Variants in EEFSEC observed in about 807,000 individuals in gnomAD.
The protein encoded by EEFSEC is eukaryotic elongation factor, selenocysteine-tRNA specific, also known as selenocysteine-specific elongation factor.
EEFSEC carries 43 observed loss-of-function variants against 42.1 expected under a neutral mutation model. The observed-to-expected ratio is 1.02, with a 90% CI of 0.80 to 1.32. EEFSEC has a LOEUF of 1.32. Among genes scored for constraint, EEFSEC ranks in the 40% most tolerant of loss-of-function variants. The pLI is 0.00. For missense variants in EEFSEC, 745 were observed against 803.6 expected (o/e 0.93, Z 0.88); for synonymous variants, 354 against 339.1 (o/e 1.04, Z -0.48).
intron 1 of EEFSEC, among the ~76,000 whole-genome samples, chr3:128,171,312 A>C (rs1412232672): frequency 6.6e-6 from 1 of 152,186 alleles, no homozygotes; most frequent in East Asian, 1.9e-4. Context: ...TTTTTTCCTT[A>C]AAAAGAAAAA....
intron 6 of EEFSEC, among the ~76,000 whole-genome samples, chr3:128,371,511 C>A (rs974521086): frequency 6.6e-6 from 1 of 152,196 alleles, no homozygotes; most frequent in Non-Finnish European, 1.5e-5. Flanking sequence ...CAGTTGAGAA[C>A]CACTGGTCTA....
intron 5 of EEFSEC, among the ~76,000 whole-genome samples, chr3:128,355,406 A>G (rs1485492675): frequency 6.6e-6 from 1 of 152,054 alleles, no homozygotes; most frequent in Non-Finnish European, 1.5e-5. Flanking sequence ...AGCTGGGACT[A>G]GCATTACAGG....
intron 1 of EEFSEC, among the ~76,000 whole-genome samples, chr3:128,170,835 C>T (rs1210464200): frequency 1.3e-5 from 2 of 152,096 alleles, no homozygotes; most frequent in East Asian, 3.8e-4. Context: ...TTATGGCAAC[C>T]AATAAAGTTT....
chr3:128,359,482 A>G (rs2067499001), intron 6 of EEFSEC, among the ~76,000 whole-genome samples: 1 of 152,014 alleles, frequency 6.6e-6, no homozygotes, highest in South Asian at 2.1e-4. Context: ...CCAGGCTCAA[A>G]CCATCCTCCT....
downstream of EEFSEC, among the ~76,000 whole-genome samples, chr3:128,410,818 TC>T (rs2107644482): frequency 6.6e-6 from 1 of 152,146 alleles, no homozygotes; most frequent in Non-Finnish European, 1.5e-5. Context: ...TTCCAGGAAC[TC>T]TGTGCAGGCG....
At chr3:128,218,179 G>C (rs2065828334) in intron 1 of EEFSEC, among the ~76,000 whole-genome samples, 1 of 152,182 alleles carries the variant, frequency 6.6e-6, no homozygotes, top group African/African-American at 2.4e-5. Context: ...TTAAGTAAGT[G>C]AAGTGAATAA....
intron 1 of EEFSEC, among the ~76,000 whole-genome samples, chr3:128,202,526 T>G (rs2065653966): frequency 6.6e-6 from 1 of 152,220 alleles, no homozygotes; most frequent in Admixed American, 6.5e-5. Context: ...TTCTTATTAG[T>G]CCTAGTGGTT....
chr3:128,291,076 ATACT>A (rs2066639589), intron 4 of EEFSEC, among the ~76,000 whole-genome samples: 1 of 151,746 alleles, frequency 6.6e-6, no homozygotes, highest in Non-Finnish European at 1.5e-5. Flanking sequence ...GTGCAGTTTT[ATACT>A]TCTTTTATAA....
chr3:128,223,092 T>C lies in EEFSEC; in HGVS notation c.317-23744T>C, dbSNP rs528410575. Among the ~76,000 whole-genome samples the C allele has an allele frequency of 1.2e-4, 18 of 152,308 alleles. No individual in the cohort carries two copies. In the South Asian group the frequency reaches 3.5e-3, roughly 30 times the overall value. ...TTTAGTCTCATGGCTAGTAATTCAA[T>C]CAGTCATACCTATGTAATGAAACCC... On this transcript the variant is annotated intron_variant, in intron 1 of 6. Transcript: ENST00000254730.
Position 128,243,020 on chromosome 3 carries a change from T to G in EEFSEC, c.317-3816T>G, listed in dbSNP as rs561617812. On this transcript the variant is annotated intron_variant, in intron 1 of 6. Transcript: ENST00000254730. ...AAGACGGGCCAGTTGTGTCACTTCC[T>G]GTCGTCTGATCAAAAGTTTGATGAA... Among the ~76,000 whole-genome samples the G allele has an allele frequency of 3.9e-5, 6 of 152,364 alleles. No individual in the cohort carries two copies. In the South Asian group the frequency reaches 1.2e-3, roughly 32 times the overall value.
chr3:128,363,201 G>T (rs532171500), intron 6 of EEFSEC, among the ~76,000 whole-genome samples: 1 of 152,190 alleles, frequency 6.6e-6, no homozygotes, highest in Non-Finnish European at 1.5e-5. Flanking sequence ...CAAGCACCTC[G>T]TTTCACTGCA....
At chr3:128,269,102 C>T (rs775284132) in intron 4 of EEFSEC, among the ~76,000 whole-genome samples, 11 of 152,222 alleles carry the variant, frequency 7.2e-5, no homozygotes, top group African/African-American at 1.9e-4. Context: ...CAGCACTGCC[C>T]GTTCCTTTCT....
chr3:128,207,400 A>T (rs2065708949), intron 1 of EEFSEC, among the ~76,000 whole-genome samples: 1 of 152,018 alleles, frequency 6.6e-6, no homozygotes, highest in South Asian at 2.1e-4. Context: ...TGAACTATGA[A>T]GAGGAGCCAC....
intron 4 of EEFSEC, among the ~76,000 whole-genome samples, chr3:128,270,918 C>G (rs2066406731): frequency 6.6e-6 from 1 of 152,156 alleles, no homozygotes; most frequent in African/African-American, 2.4e-5. Flanking sequence ...TCCTGTGGAC[C>G]CTGGTCTCCC....
intron 2 of EEFSEC, among the ~76,000 whole-genome samples, chr3:128,253,148 A>G (rs1336697702): frequency 1.3e-5 from 2 of 152,196 alleles, no homozygotes; most frequent in Non-Finnish European, 2.9e-5. Flanking sequence ...TTCTATTACT[A>G]TATATTGCCC....
intron 4 of EEFSEC, among the ~76,000 whole-genome samples, chr3:128,274,371 G>T (rs142534937): frequency 6.6e-6 from 1 of 152,240 alleles, no homozygotes; most frequent in Admixed American, 6.5e-5. Flanking sequence ...GCATGTGGGC[G>T]CAGTCACCAC....
intron 4 of EEFSEC, among the ~76,000 whole-genome samples, chr3:128,339,843 G>A (rs997769491): frequency 3.3e-5 from 5 of 152,190 alleles, no homozygotes; most frequent in African/African-American, 4.8e-5. Flanking sequence ...GGTGGAAGGC[G>A]AAAGGCACGT....
intron 4 of EEFSEC, among the ~76,000 whole-genome samples, chr3:128,318,103 G>A (rs1038154442): frequency 6.6e-6 from 1 of 152,244 alleles, no homozygotes; most frequent in East Asian, 1.9e-4. Context: ...AGTGGGGAGA[G>A]CCAGGCCGTC....
In EEFSEC at chr3:128,153,648, C is replaced by G. The variant is rs1040681792; in HGVS notation, c.141C>G (p.Ile47Met). ...AGCCGCAGAGCCGCGAGCGCGGCAT[C>G]ACGCTCGATCTGGGCTTCTCGTGCT... ...DKQPQSRERG[I>M]TLDLGFSCFS... is the part of the protein sequence containing the mutation. Residue 47 changes from isoleucine to methionine, a missense_variant, in exon 1 of 7, where the codon ATC becomes ATG. By Grantham distance (10) the Ile-to-Met change is conservative. Coordinates refer to ENST00000254730, the MANE Select transcript of EEFSEC (RefSeq NM_021937.5). The G allele has an allele frequency of 6.3e-7, 1 of 1,598,638 alleles. No individual in the cohort carries two copies. The highest frequency in any genetic ancestry group is 8.5e-7 in the Non-Finnish European group (1 of 1,178,162).
Sources: allele counts gnomAD v4.1 joint callset (sites outside exome capture counted in the v4.1 genomes callset), GRCh38; gene constraint gnomAD v4.1.1; transcripts MANE v1.5; gene names NCBI Gene and HGNC (gene_info 2026-07-23, HGNC 2026-07-21).